Variants in PLA2G4A observed in about 807,000 individuals in gnomAD.
PLA2G4A encodes cytosolic phospholipase A2.
In PLA2G4A, 40 loss-of-function variants were observed where a neutral mutation model predicts 81.9. The observed-to-expected ratio is 0.49, with a 90% CI of 0.38 to 0.64. PLA2G4A has a LOEUF of 0.64. Among genes scored for constraint, PLA2G4A ranks in the 30% least tolerant of loss-of-function variants. The pLI, the probability that PLA2G4A is intolerant of heterozygous loss-of-function variation, is 0.00. For missense variants in PLA2G4A, 715 were observed against 905.1 expected, an observed-to-expected ratio of 0.79 and a Z score of 2.69; for synonymous variants, 302 against 296.9, an observed-to-expected ratio of 1.02 and a Z score of -0.18.
chr1:186,981,895 C>CATA (rs10627684), intron 17 of PLA2G4A, among the ~76,000 whole-genome samples: 149,827 of 152,302 alleles, frequency 0.98, 73,710 homozygotes, highest in East Asian at 1. Flanking sequence ...AGCAAGATAA[C>CATA]ATTAAGAAAA....
intron 6 of PLA2G4A, among the ~76,000 whole-genome samples, chr1:186,910,952 T>C (rs1654916381): frequency 6.6e-6 from 1 of 152,242 alleles, no homozygotes; most frequent in Non-Finnish European, 1.5e-5. Flanking sequence ...GGTTCTTTAC[T>C]GAAGCCCTTC....
chr1:186,936,163 G>T (rs1303433288), intron 8 of PLA2G4A, among the ~76,000 whole-genome samples: 1 of 151,894 alleles, frequency 6.6e-6, no homozygotes, highest in Non-Finnish European at 1.5e-5. Context: ...AATCAGAACA[G>T]CTCTGCATCT....
In PLA2G4A at chr1:186,988,606, C is replaced by T. The variant is rs1422029584; in HGVS notation, c.*98C>T. 5.8e-6 allele frequency: 6 copies of T among 1,041,318 alleles called. No individual in the cohort carries two copies. The highest frequency in any genetic ancestry group is 9.0e-6 in the Non-Finnish European group (6 of 670,010). 64.5% of individuals were successfully genotyped at this position (1,041,318 alleles called of 1,614,324 possible). A position where few individuals can be genotyped will look rare whatever the true frequency, so the allele number is the denominator to read the frequency against. ...GTACAGTACAGATAGTCGTACTGAT[C>T]ATGAGAGACTGGCTGATACTCAAAG... On this transcript the variant is annotated 3_prime_UTR_variant, in exon 18 of 18. Coordinates refer to ENST00000367466, the MANE Select transcript of PLA2G4A (RefSeq NM_024420.3).
intron 2 of PLA2G4A, among the ~76,000 whole-genome samples, chr1:186,865,358 A>G (rs985617829): frequency 2.0e-5 from 3 of 152,130 alleles, no homozygotes; most frequent in Non-Finnish European, 2.9e-5. Flanking sequence ...GATAATGCTG[A>G]TCATTCTTTA....
chr1:186,890,715 A>G (rs1359415483), intron 3 of PLA2G4A, among the ~76,000 whole-genome samples: 1 of 152,038 alleles, frequency 6.6e-6, no homozygotes, highest in East Asian at 1.9e-4. Flanking sequence ...TTAGCCGGGC[A>G]TAGTGGCATG....
In PLA2G4A at chr1:186,965,662, C is replaced by T; in HGVS notation, c.1764+69C>T. On this transcript the variant is annotated intron_variant, in intron 15 of 17. Coordinates refer to ENST00000367466, the MANE Select transcript of PLA2G4A (RefSeq NM_024420.3). Reference sequence around the variant, plus strand: ...TTGCTTGCCTTATAGATCTCTTAGTCCCTTTGACTCCAGTTTCTTATTCCT... The same window carrying T: ...TTGCTTGCCTTATAGATCTCTTAGTTCCTTTGACTCCAGTTTCTTATTCCT... 5.8e-6 allele frequency: 6 copies of T among 1,041,786 alleles called. No homozygotes were observed. In the South Asian group the frequency reaches 7.6e-5, roughly 13 times the overall value. The allele number at this position is 1,041,786 out of a possible 1,614,324, so 64.5% of individuals were successfully genotyped here.
At chr1:186,855,209 G>C (rs923587880) in intron 2 of PLA2G4A, among the ~76,000 whole-genome samples, 2 of 151,812 alleles carry the variant, frequency 1.3e-5, no homozygotes, top group Non-Finnish European at 2.9e-5. Context: ...TCACAAAAAG[G>C]TCTAATTAAT....
intron 1 of PLA2G4A, among the ~76,000 whole-genome samples, chr1:186,829,440 G>A (rs1386318356): frequency 2.0e-5 from 3 of 152,144 alleles, no homozygotes; most frequent in African/African-American, 7.2e-5. Context: ...GATCTTTAGC[G>A]AGAGACTTTG....
At chr1:186,967,285 G>A (rs570826050) in intron 15 of PLA2G4A, among the ~76,000 whole-genome samples, 4 of 151,756 alleles carry the variant, frequency 2.6e-5, no homozygotes, top group African/African-American at 9.6e-5. Flanking sequence ...AAAGAAACAA[G>A]TATCAATGAG....
At chr1:186,834,508 T>A (rs1432091152) in intron 1 of PLA2G4A, among the ~76,000 whole-genome samples, 1 of 152,136 alleles carries the variant, frequency 6.6e-6, no homozygotes, top group East Asian at 1.9e-4. Flanking sequence ...CTATTGGAGT[T>A]AACATCAGAA....
At chr1:186,956,959 C>T (rs1271025784) in intron 14 of PLA2G4A, among the ~76,000 whole-genome samples, 1 of 152,002 alleles carries the variant, frequency 6.6e-6, no homozygotes, top group Middle Eastern at 3.2e-3. Context: ...GAGGCCGAGA[C>T]TGGTGGATTA....
rs1439749965 is a variant in PLA2G4A, at chr1:186,969,033, A to T, written c.1764+3440A>T. ...TTTTTAAACTACTTTTAATTGGATT[A>T]TTTGTGATGTTCCTATTAATAAACA... On this transcript the variant is annotated intron_variant, in intron 15 of 17. Coordinates refer to ENST00000367466, the MANE Select transcript of PLA2G4A (RefSeq NM_024420.3). Among the ~76,000 whole-genome samples the T allele has an allele frequency of 4.0e-5, 6 of 151,858 alleles. No homozygotes were observed. The East Asian group carries it at 1.2e-3, about 29-fold the overall frequency.
chr1:186,919,116 G>A (rs10911954), intron 7 of PLA2G4A, among the ~76,000 whole-genome samples: 55,437 of 152,120 alleles, frequency 0.36, 12,160 homozygotes, highest in Non-Finnish European at 0.49. Flanking sequence ...GGCTGGGGCC[G>A]ACATAAGTTT....
In PLA2G4A at chr1:186,968,400, A is replaced by ATGTG. The variant is rs58475951; in HGVS notation, c.1764+2837_1764+2840dup. 1.5e-3 allele frequency among the ~76,000 whole-genome samples: 206 copies of ATGTG among 137,494 alleles called. 3 individuals carry two copies. In the Middle Eastern group the frequency reaches 0.019, roughly 13 times the overall value. 90.2% of individuals were successfully genotyped at this position (137,494 alleles called of 152,430 possible). A position where few individuals can be genotyped will look rare whatever the true frequency, so the allele number is the denominator to read the frequency against. On this transcript the variant is annotated intron_variant, in intron 15 of 17. Coordinates refer to ENST00000367466, the MANE Select transcript of PLA2G4A (RefSeq NM_024420.3). The stretch of plus-strand genomic sequence containing the variant: ...CTTCTAGTCTCTTTTCGCGGTGTGT[A>ATGTG]TGTGTGTGTGTGTGTGTGTGTGTGT...
intron 14 of PLA2G4A, among the ~76,000 whole-genome samples, chr1:186,965,156 G>A (rs952031588): frequency 2.6e-5 from 4 of 152,280 alleles, no homozygotes; most frequent in Admixed American, 1.3e-4. Flanking sequence ...CTTTCCATGC[G>A]TTGTCCCTAT....
intron 7 of PLA2G4A, among the ~76,000 whole-genome samples, chr1:186,917,230 G>A (rs1006827133): frequency 6.6e-6 from 1 of 152,028 alleles, no homozygotes; most frequent in Non-Finnish European, 1.5e-5. Context: ...ATAAGCTGAT[G>A]GGACACCTCT....
At chr1:186,925,557 C>T (rs560645567) in intron 7 of PLA2G4A, among the ~76,000 whole-genome samples, 23 of 152,218 alleles carry the variant, frequency 1.5e-4, no homozygotes, top group African/African-American at 3.4e-4. Context: ...TCCTGTACAG[C>T]GCTCCCTCTT....
chr1:186,945,345 A>C (rs1377551045), intron 10 of PLA2G4A, among the ~76,000 whole-genome samples: 2 of 152,166 alleles, frequency 1.3e-5, no homozygotes, highest in African/African-American at 4.8e-5. Context: ...AGTGGGATCT[A>C]GGCCAGGACG....
At chr1:186,850,078 A>T (rs900278002) in intron 1 of PLA2G4A, among the ~76,000 whole-genome samples, 1 of 152,184 alleles carries the variant, frequency 6.6e-6, no homozygotes, top group African/African-American at 2.4e-5. Context: ...GTATTCTTCA[A>T]ATTGCTGTTA....
Sources: gnomAD v4.1 joint callset for allele counts (sites outside exome capture counted in the v4.1 genomes callset) on GRCh38, gnomAD v4.1.1 for gene constraint, MANE v1.5 for transcripts, NCBI Gene and HGNC (gene_info 2026-07-23, HGNC 2026-07-21) for gene names.